The following GLB1L variants were observed in gnomAD, a reference collection of about 807,000 sequenced individuals.
The protein encoded by GLB1L is galactosidase beta 1 like.
Under a neutral mutation model 75.7 loss-of-function variants are expected in GLB1L, and 58 were observed. That is an observed-to-expected ratio of 0.77 (90% CI 0.62 to 0.95). The LOEUF (loss-of-function observed/expected upper bound fraction) is 0.95, where lower values mean the gene tolerates loss of function less well. Among genes scored for constraint, GLB1L ranks in the 40% least tolerant of loss-of-function variants. The pLI, the probability that GLB1L is intolerant of heterozygous loss-of-function variation, is 0.00. For missense variants in GLB1L, 797 were observed against 805.5 expected, an observed-to-expected ratio of 0.99 and a Z score of 0.13; for synonymous variants, 296 against 303.0, an observed-to-expected ratio of 0.98 and a Z score of 0.24.
chr2:219,243,230 G>C lies in GLB1L; in HGVS notation c.157C>G (p.Leu53Val). ...ACCCGCGGTACCCGAAAGTAGTGCA[G>C]GCTGCCAGACACATAGCGGAACGGG... ...GAPFRYVSGSLHYFRVPRVLW... is the reference protein window; with the variant it reads ...GAPFRYVSGSVHYFRVPRVLW... The change falls in exon 3 of 17, where the codon CTG becomes GTG. Residue 53 changes from leucine to valine, a missense_variant. By Grantham distance (32) the Leu-to-Val change is conservative. Coordinates refer to ENST00000295759, the MANE Select transcript of GLB1L (RefSeq NM_001286423.2). 6.2e-7 allele frequency: 1 copy of C among 1,614,208 alleles called. No homozygotes were observed. The highest frequency in any genetic ancestry group is 1.1e-5 in the South Asian group (1 of 91,082).
At position 219,237,148 on chromosome 2, in the gene GLB1L, A is replaced by G. The variant is rs1405242309; in HGVS notation, c.1889T>C (p.Leu630Ser). 5.0e-6 allele frequency: 8 copies of G among 1,614,132 alleles called. No homozygotes were observed. Among genetic ancestry groups the G allele is most frequent in the Non-Finnish European group, 6.8e-6 (8 of 1,179,970 alleles). Residue 630 changes from leucine (L) to serine (S), a missense_variant, in exon 17 of 17, where the codon TTG becomes TCG. Physicochemically the swap from Leu to Ser is moderately radical, Grantham distance 145 (BLOSUM62 -2). Coordinates refer to ENST00000295759, the MANE Select transcript of GLB1L (RefSeq NM_001286423.2). ...AAGGGAATTGATATGTGTCCTGTGC[A>G]AAGTACTAGTGCTATTGAGGATAGG... is the stretch of plus-strand genomic sequence containing the variant. Reference protein sequence around the residue: ...DKPILNSTSTLHRTHINSLSA... With the variant: ...DKPILNSTSTSHRTHINSLSA...
chr2:219,239,494 C>G (rs1559264756), intron 9 of GLB1L, 43 bp from the exon 10 acceptor site: 4 of 1,612,704 alleles, frequency 2.5e-6, no homozygotes, highest in Non-Finnish European at 3.4e-6. Context: ...AGCTGACTCA[C>G]TGAATCTTAA....
chr2:219,237,968 G>C lies in GLB1L; in HGVS notation c.1342-11C>G. On this transcript the variant is annotated splice_polypyrimidine_tract_variant and intron_variant, in intron 14 of 16. Transcript: ENST00000295759. ...AACACCCTGGAACACCTGTGGATAG[G>C]AGATAGGATAGGAGCAAGGCTCAGC... 1.2e-6 allele frequency: 2 copies of C among 1,613,886 alleles called. No homozygotes were observed. Among genetic ancestry groups the C allele is most frequent in the Non-Finnish European group, 1.7e-6 (2 of 1,179,842 alleles).
chr2:219,237,199 T>C lies in GLB1L; in HGVS notation c.1838A>G (p.Gln613Arg). 1 of 1,614,202 alleles carries C rather than the reference T, an allele frequency of 6.2e-7. No homozygotes were observed. The highest frequency in any genetic ancestry group is 8.5e-7 in the Non-Finnish European group (1 of 1,180,026). ...CTTATCCAAAAATTGGACTTGGGGCTGGAGAGGTACATCTTCTAGTTCCAG... is the reference window on the plus strand; with the variant it reads ...CTTATCCAAAAATTGGACTTGGGGCCGGAGAGGTACATCTTCTAGTTCCAG... ...TLLELEDVPL[Q>R]PQVQFLDKPI... is the part of the protein sequence containing the mutation. The change falls in exon 17 of 17, where the codon CAG becomes CGG. Residue 613 changes from glutamine (Q) to arginine (R), a missense_variant. Gln to Arg is a conservative substitution (Grantham distance 43). Transcript: ENST00000295759.
intron 16 of GLB1L, 44 bp downstream of exon 16, chr2:219,237,468 C>T: frequency 6.2e-7 from 1 of 1,606,382 alleles, no homozygotes; most frequent in Non-Finnish European, 8.5e-7. Context: ...TGTGATTTTT[C>T]TCTTTTACCT....
In GLB1L at chr2:219,243,646, C is replaced by T; in HGVS notation, c.-70-3G>A. ...GTGTCGGATTCCTGGGAGGGAACCT[C>T]AGCGAGCAAGGGGGCGGAAACCACC... On this transcript the variant is annotated splice_polypyrimidine_tract_variant and splice_region_variant and intron_variant, in intron 1 of 16. Transcript: ENST00000295759. The T allele has an allele frequency of 6.6e-7, 1 of 1,522,942 alleles. No homozygotes were observed. Among genetic ancestry groups the T allele is most frequent in the South Asian group, 1.1e-5 (1 of 88,596 alleles). 94.3% of individuals were successfully genotyped at this position (1,522,942 alleles called of 1,614,324 possible). A position where few individuals can be genotyped will look rare whatever the true frequency, so the allele number is the denominator to read the frequency against.
chr2:219,243,360 G>A (rs762722185), intron 2 of GLB1L, 46 bp from the exon 3 acceptor site: 3 of 1,591,464 alleles, frequency 1.9e-6, no homozygotes, highest in Non-Finnish European at 1.7e-6. Context: ...TGGAGGGAGC[G>A]TCGAGGGTCA....
chr2:219,241,988 G>A (rs914307276), intron 5 of GLB1L, among the ~76,000 whole-genome samples: 1 of 151,942 alleles, frequency 6.6e-6, no homozygotes, highest in Non-Finnish European at 1.5e-5. Flanking sequence ...CAGCTGATAG[G>A]ATTTTCTCTT....
intron 1 of GLB1L, 38 bp from the exon 2 acceptor site, chr2:219,243,681 C>T (rs1951456456): frequency 9.1e-7 from 1 of 1,103,348 alleles, no homozygotes; most frequent in East Asian, 2.4e-5. Context: ...CTCAAGTTGC[C>T]AGGCGTTTAG....
rs1951419408 is a variant in GLB1L at position 219,242,647 on chromosome 2, G to C, written c.391-73C>G. On this transcript the variant is annotated intron_variant, in intron 4 of 16. Transcript: ENST00000295759. ...GGGTGTGGTGGGGAAGCTAGGAAGG[G>C]AAGGAAGGAAGGGAAGGAATTGAAT... 2.0e-6 allele frequency: 3 copies of C among 1,511,712 alleles called. No homozygotes were observed. In the Admixed American group the frequency reaches 5.0e-5, roughly 25 times the overall value. 93.6% of individuals were successfully genotyped at this position (1,511,712 alleles called of 1,614,324 possible).
At chr2:219,242,436 T>C in intron 5 of GLB1L, 78 bp downstream of exon 5, 1 of 997,090 alleles carries the variant, frequency 1.0e-6, no homozygotes, top group Non-Finnish European at 1.6e-6. Context: ...AATTTGGGAA[T>C]GGTCTCTTCT....
chr2:219,237,370 G>C (rs1951274082), intron 16 of GLB1L, 23 bp from the exon 17 acceptor site: 1 of 1,607,898 alleles, frequency 6.2e-7, no homozygotes, highest in South Asian at 1.1e-5. Flanking sequence ...GAGCAGGAAA[G>C]AGGGGAAAAG....
intron 4 of GLB1L, 64 bp from the exon 5 acceptor site, chr2:219,242,638 C>T: frequency 6.4e-7 from 1 of 1,550,530 alleles, no homozygotes; most frequent in Non-Finnish European, 8.9e-7. Context: ...GGTGGGGAAG[C>T]TAGGAAGGGA....
chr2:219,243,973 G>A (rs1951463686), intron 1 of GLB1L: 1 of 141,584 alleles, frequency 7.1e-6, no homozygotes, highest in African/African-American at 2.6e-5. Flanking sequence ...CGGGCCTGGT[G>A]GCACGCGCCT....
At chr2:219,239,259 G>A (rs772270225) in intron 10 of GLB1L, 49 bp from the exon 11 acceptor site, 19 of 1,516,966 alleles carry the variant, frequency 1.3e-5, no homozygotes, top group Non-Finnish European at 1.7e-5. Context: ...CAGATGACAG[G>A]CACTACTAAG....
Position 219,243,228 on chromosome 2 carries a change from C to T in GLB1L, c.159G>A (p.Leu53=), listed in dbSNP as rs940121740. The T allele has an allele frequency of 6.2e-7, 1 of 1,614,174 alleles. No homozygotes were observed. The highest frequency in any genetic ancestry group is 8.5e-7 in the Non-Finnish European group (1 of 1,180,008). ...GAPFRYVSGS[L]HYFRVPRVLW... is the part of the protein sequence containing the mutation. ...GCACCCGCGGTACCCGAAAGTAGTGCAGGCTGCCAGACACATAGCGGAACG... is the reference window on the plus strand; with the variant it reads ...GCACCCGCGGTACCCGAAAGTAGTGTAGGCTGCCAGACACATAGCGGAACG... The change falls in exon 3 of 17, where the codon CTG becomes CTA. Residue 53 remains leucine (L), a synonymous_variant. Transcript: ENST00000295759.
At chr2:219,242,438 G>A (rs1951414400) in intron 5 of GLB1L, 76 bp downstream of exon 5, 1 of 1,033,360 alleles carries the variant, frequency 9.7e-7, no homozygotes, top group African/African-American at 1.6e-5. Flanking sequence ...TTTGGGAATG[G>A]TCTCTTCTGC....
chr2:219,237,928 C>T lies in GLB1L; in HGVS notation c.1371G>A (p.Met457Ile). 6.2e-7 allele frequency: 1 copy of T among 1,614,168 alleles called. No homozygotes were observed. Among genetic ancestry groups the T allele is most frequent in the Non-Finnish European group, 8.5e-7 (1 of 1,180,030 alleles). Residue 457 changes from methionine to isoleucine, a missense_variant, in exon 15 of 17, where the codon ATG (methionine) becomes ATA (isoleucine). By Grantham distance (10) the Met-to-Ile change is conservative (BLOSUM62 1). Coordinates refer to ENST00000295759, the MANE Select transcript of GLB1L (RefSeq NM_001286423.2). ...GVFQGVVERNMRDKLFLTGKL... is the reference protein window; with the variant it reads ...GVFQGVVERNIRDKLFLTGKL... ...TCCCCGTCAAAAATAGTTTGTCTCT[C>T]ATATTTCGCTCCACAACACCCTGGA...
chr2:219,237,356 T>C lies in GLB1L; in HGVS notation c.1690-9A>G, dbSNP rs1363728106. The C allele has an allele frequency of 6.2e-7, 1 of 1,611,788 alleles. No individual in the cohort carries two copies. On this transcript the variant is annotated splice_polypyrimidine_tract_variant and intron_variant, in intron 16 of 16. Transcript: ENST00000295759. ...TTGATCCAGACTTGGCCCTGGGGAA[T>C]AGGGAGCAGGAAAGAGGGGAAAAGA...
Sources: allele counts gnomAD v4.1 joint callset (sites outside exome capture counted in the v4.1 genomes callset), GRCh38; gene constraint gnomAD v4.1.1; transcripts MANE v1.5; gene names NCBI Gene and HGNC (gene_info 2026-07-23, HGNC 2026-07-21).